The following KCNH8 variants were observed in gnomAD, a reference collection of about 807,000 sequenced individuals.
The protein encoded by KCNH8 is potassium voltage-gated channel subfamily H member 8, also known as voltage-gated delayed rectifier potassium channel KCNH8.
Under a neutral mutation model 103.6 loss-of-function variants are expected in KCNH8, and 70 were observed. That is an observed-to-expected ratio of 0.68 (90% CI 0.56 to 0.82). The LOEUF (loss-of-function observed/expected upper bound fraction) is 0.82, where lower values mean the gene tolerates loss of function less well. KCNH8 is among the 40% of genes least tolerant of loss of function. The pLI is 0.00. For missense variants in KCNH8, 1,217 were observed against 1,329.9 expected, an observed-to-expected ratio of 0.92 and a Z score of 1.32; for synonymous variants, 498 against 489.4, an observed-to-expected ratio of 1.02 and a Z score of -0.23.
chr3:19,407,503 G>A (rs2125144687), intron 7 of KCNH8, among the ~76,000 whole-genome samples: 1 of 152,202 alleles, frequency 6.6e-6, no homozygotes, highest in South Asian at 2.1e-4. Flanking sequence ...AGCAGCCTGA[G>A]TTGCCCCACC....
At chr3:19,199,197 C>T (rs1217393801) in intron 1 of KCNH8, among the ~76,000 whole-genome samples, 3 of 152,118 alleles carry the variant, frequency 2.0e-5, no homozygotes, top group Non-Finnish European at 4.4e-5. Context: ...TGACTAATCA[C>T]GTTTAAATAA....
intron 7 of KCNH8, among the ~76,000 whole-genome samples, chr3:19,430,078 C>G (rs556847104): frequency 6.6e-6 from 1 of 152,254 alleles, no homozygotes; most frequent in Admixed American, 6.5e-5. Context: ...TGGGTATATA[C>G]CCAGTAATGG....
At chr3:19,518,776 C>T (rs1575168319) in intron 15 of KCNH8, among the ~76,000 whole-genome samples, 1 of 152,036 alleles carries the variant, frequency 6.6e-6, no homozygotes, top group Middle Eastern at 3.4e-3. Context: ...AACCACTTAT[C>T]TACTTTTTAT....
chr3:19,226,498 G>A (rs922961073), intron 1 of KCNH8, among the ~76,000 whole-genome samples: 5 of 152,052 alleles, frequency 3.3e-5, no homozygotes, highest in African/African-American at 1.2e-4. Context: ...GTAAGAGACC[G>A]AGTTACATTT....
intron 1 of KCNH8, among the ~76,000 whole-genome samples, chr3:19,166,962 A>C (rs1357263564): frequency 1.3e-5 from 2 of 152,216 alleles, no homozygotes; most frequent in Admixed American, 1.3e-4. Context: ...GTGGTGCTGG[A>C]ATGTCTGCTG....
At chr3:19,458,492 A>T (rs1314093390) in intron 11 of KCNH8, among the ~76,000 whole-genome samples, 2 of 151,948 alleles carry the variant, frequency 1.3e-5, no homozygotes, top group Admixed American at 1.3e-4. Context: ...TCTTTTTAAA[A>T]AATTCGTGGC....
rs559351505 is a variant in KCNH8 at position 19,325,808 on chromosome 3, A to G, written c.443-16779A>G. Among the ~76,000 whole-genome samples the G allele has an allele frequency of 3.3e-5, 5 of 152,280 alleles. No individual in the cohort carries two copies. In the South Asian group the frequency reaches 6.2e-4, roughly 19 times the overall value. ...TCAAAGACCTAAAGATAGAAATACC[A>G]TTAGACCCAGCAATCACCTTACTGA... is the stretch of plus-strand genomic sequence containing the variant. On this transcript the variant is annotated intron_variant, in intron 3 of 15. Coordinates refer to ENST00000328405, the MANE Select transcript of KCNH8 (RefSeq NM_144633.3).
In KCNH8 at chr3:19,533,711, A is replaced by C. The variant is rs2069211855; in HGVS notation, c.2936A>C (p.Asn979Thr). The C allele has an allele frequency of 6.2e-7, 1 of 1,614,150 alleles. No individual in the cohort carries two copies. Among genetic ancestry groups the C allele is most frequent in the Non-Finnish European group, 8.5e-7 (1 of 1,180,006 alleles). Residue 979 changes from asparagine to threonine, a missense_variant, in exon 16 of 16, where the codon AAT becomes ACT. Physicochemically the swap from Asn to Thr is moderately conservative, Grantham distance 65. Transcript: ENST00000328405. ...SPQRTGAHEQ[N>T]PADSELYHSP... ...CAACGAACTGGAGCTCATGAGCAAA[A>C]TCCTGCAGACAGTGAACTTTATCAT...
rs145608710 is a variant in KCNH8 at position 19,475,472 on chromosome 3, A to C, written c.2040+18490A>C. ...GTGATAACTCTAAATGCTTGTCCAA[A>C]TAGTACAATTTCAGGAAAAGAACCA... On this transcript the variant is annotated intron_variant, in intron 11 of 15. Transcript: ENST00000328405. Among the ~76,000 whole-genome samples, 25 of 152,288 alleles carry C rather than the reference A, an allele frequency of 1.6e-4. 2 individuals carry two copies. The East Asian group carries it at 4.8e-3, about 29-fold the overall frequency.
At chr3:19,326,369 A>G (rs1361286751) in intron 3 of KCNH8, among the ~76,000 whole-genome samples, 1 of 147,170 alleles carries the variant, frequency 6.8e-6, no homozygotes, top group East Asian at 2.0e-4. Context: ...ATATATATAT[A>G]TATATATATA....
At chr3:19,341,323 A>G (rs1035215248) in intron 3 of KCNH8, among the ~76,000 whole-genome samples, 4 of 152,082 alleles carry the variant, frequency 2.6e-5, no homozygotes, top group Non-Finnish European at 5.9e-5. Context: ...TTTTCTATCT[A>G]TCAGGAGACT....
chr3:19,227,073 GT>G (rs2063940633), intron 1 of KCNH8, among the ~76,000 whole-genome samples: 1 of 152,096 alleles, frequency 6.6e-6, no homozygotes, highest in Non-Finnish European at 1.5e-5. Context: ...GGAATTTATT[GT>G]TTATACTCAG....
At chr3:19,359,350 A>G (rs528621935) in intron 5 of KCNH8, among the ~76,000 whole-genome samples, 48 of 149,556 alleles carry the variant, frequency 3.2e-4, no homozygotes, top group Non-Finnish European at 3.3e-4. Context: ...TTATATATAT[A>G]TGTGTGTTGT....
chr3:19,415,608 A>C (rs543327020), intron 7 of KCNH8, among the ~76,000 whole-genome samples: 1 of 152,096 alleles, frequency 6.6e-6, no homozygotes, highest in East Asian at 1.9e-4. Context: ...TCCCTTGTAT[A>C]TATGCACGAA....
chr3:19,358,864 C>A (rs1239761433), intron 5 of KCNH8, among the ~76,000 whole-genome samples: 1 of 148,992 alleles, frequency 6.7e-6, no homozygotes, highest in African/African-American at 2.5e-5. Flanking sequence ...AGGAACTGTG[C>A]AAAAATAAAA....
intron 1 of KCNH8, among the ~76,000 whole-genome samples, chr3:19,220,579 A>G (rs2063863697): frequency 6.7e-6 from 1 of 148,536 alleles, no homozygotes; most frequent in Non-Finnish European, 1.5e-5. Context: ...GATGTGGGAA[A>G]CATGACACTG....
chr3:19,394,889 ATAAAT>A (rs1368915016), intron 6 of KCNH8, among the ~76,000 whole-genome samples: 4 of 152,070 alleles, frequency 2.6e-5, no homozygotes, highest in East Asian at 3.9e-4. Flanking sequence ...GTTTACTCAA[ATAAAT>A]TAAATTATCC....
At chr3:19,191,442 T>C (rs1337646699) in intron 1 of KCNH8, among the ~76,000 whole-genome samples, 1 of 151,894 alleles carries the variant, frequency 6.6e-6, no homozygotes, top group Non-Finnish European at 1.5e-5. Context: ...CACACAGTAA[T>C]TGTGTAATTA....
At chr3:19,180,268 AGG>A (rs2063438775) in intron 1 of KCNH8, among the ~76,000 whole-genome samples, 1 of 147,446 alleles carries the variant, frequency 6.8e-6, no homozygotes, top group Non-Finnish European at 1.5e-5. Context: ...GGCCCTTCAA[AGG>A]GCCAAGACAG....
Sources: gnomAD v4.1 joint callset for allele counts (sites outside exome capture counted in the v4.1 genomes callset) on GRCh38, gnomAD v4.1.1 for gene constraint, MANE v1.5 for transcripts, NCBI Gene and HGNC (gene_info 2026-07-23, HGNC 2026-07-21) for gene names.